Variants in ADCY10 observed in about 807,000 individuals in gnomAD.
The protein encoded by ADCY10 is adenylate cyclase 10, also known as adenylate cyclase type 10.
A neutral mutation model predicts 183.3 loss-of-function variants in ADCY10; 156 were observed. That is an observed-to-expected ratio of 0.85 (90% confidence interval 0.75 to 0.97). The LOEUF (loss-of-function observed/expected upper bound fraction) is 0.97. Ranked by LOEUF, ADCY10 falls within the 50% of genes least tolerant of loss-of-function variation. The pLI, the probability that ADCY10 is intolerant of heterozygous loss-of-function variation, is 0.00. For synonymous variants in ADCY10, 645 were observed against 670.0 expected (o/e 0.96, Z 0.58); for missense variants, 1,745 against 1,934.3 (o/e 0.90, Z 1.84).
In ADCY10 at chr1:167,854,334, C is replaced by G; in HGVS notation, c.2308+19G>C. On this transcript the variant is annotated intron_variant, in intron 18 of 32. Coordinates refer to ENST00000367851, the MANE Select transcript of ADCY10 (RefSeq NM_018417.6). Reference sequence around the variant, plus strand: ...TTAGGCAGAACAGAGTAAGAAAGAACCATCACCGCAGGACTTACTGAACAG... The same window carrying G: ...TTAGGCAGAACAGAGTAAGAAAGAAGCATCACCGCAGGACTTACTGAACAG... 2.5e-6 allele frequency: 4 copies of G among 1,614,102 alleles called. No homozygotes were observed. Among genetic ancestry groups the G allele is most frequent in the Non-Finnish European group, 3.4e-6 (4 of 1,179,986 alleles).
chr1:167,884,235 T>G (rs1308055572), intron 8 of ADCY10, among the ~76,000 whole-genome samples: 1 of 152,168 alleles, frequency 6.6e-6, no homozygotes, highest in South Asian at 2.1e-4. Flanking sequence ...CACAGTTCCA[T>G]GGGCTGTACA....
intron 31 of ADCY10, among the ~76,000 whole-genome samples, chr1:167,817,465 CG>C (rs1662602083): frequency 1.3e-5 from 2 of 152,162 alleles, no homozygotes; most frequent in Admixed American, 1.3e-4. Flanking sequence ...ACAAGGCAAA[CG>C]TGTCAACCCA....
At chr1:167,885,760 G>A (rs140001034) in intron 8 of ADCY10, among the ~76,000 whole-genome samples, 2,739 of 151,946 alleles carry the variant, frequency 0.018, 84 homozygotes, top group African/African-American at 0.063. Context: ...GATTACAGGC[G>A]CCCACCACTA....
At chr1:167,852,231 TCAGGAGTTCAAGAC>T (rs1052224104) in intron 18 of ADCY10, among the ~76,000 whole-genome samples, 56 of 152,092 alleles carry the variant, frequency 3.7e-4, no homozygotes, top group African/African-American at 1.3e-3. Flanking sequence ...TCACTTGAGG[TCAGGAGTTCAAGAC>T]CAGCCTGGCC....
intron 13 of ADCY10, among the ~76,000 whole-genome samples, chr1:167,873,432 G>A (rs1275739311): frequency 6.6e-6 from 1 of 152,164 alleles, no homozygotes; most frequent in Admixed American, 6.5e-5. Context: ...TCCAAAGTGT[G>A]AGACAGAGCC....
intron 1 of ADCY10, among the ~76,000 whole-genome samples, chr1:167,912,301 C>G (rs1412222272): frequency 6.6e-6 from 1 of 152,164 alleles, no homozygotes; most frequent in Non-Finnish European, 1.5e-5. Context: ...AGAGCCAGGC[C>G]GGCAACCTTT....
chr1:167,818,519 A>G, intron 30 of ADCY10: 1 of 574,310 alleles, frequency 1.7e-6, no homozygotes, highest in East Asian at 3.8e-5. Flanking sequence ...ATTAGCCACC[A>G]TTGAACTCTT....
intron 18 of ADCY10, among the ~76,000 whole-genome samples, chr1:167,849,906 C>T (rs969745453): frequency 2.2e-4 from 33 of 152,218 alleles, no homozygotes; most frequent in African/African-American, 7.0e-4. Flanking sequence ...AGCGGCCCAG[C>T]GTGACTAAAG....
chr1:167,848,351 A>T lies in ADCY10; in HGVS notation c.2437+10T>A. ...GGCGTGAGCCACTGCGCCCGGCCAGATTTTCTTACCTTTTAATGACGTTGG... is the reference window on the plus strand; with the variant it reads ...GGCGTGAGCCACTGCGCCCGGCCAGTTTTTCTTACCTTTTAATGACGTTGG... On this transcript the variant is annotated intron_variant, in intron 19 of 32. Transcript: ENST00000367851. 6.2e-7 allele frequency: 1 copy of T among 1,612,846 alleles called. No homozygotes were observed. The highest frequency in any genetic ancestry group is 1.3e-5 in the African/African-American group (1 of 74,944).
chr1:167,893,292 T>C (rs1293899168), intron 8 of ADCY10, among the ~76,000 whole-genome samples: 1 of 152,212 alleles, frequency 6.6e-6, no homozygotes, highest in Non-Finnish European at 1.5e-5. Context: ...ACAGCTCCCA[T>C]TTGCGCAATT....
chr1:167,893,970 C>T (rs373076359), intron 7 of ADCY10, 29 bp from the exon 8 acceptor site: 1 of 1,564,706 alleles, frequency 6.4e-7, no homozygotes, highest in Non-Finnish European at 8.8e-7. Flanking sequence ...GGTGCAGGCT[C>T]AGAGAGGGAA....
intron 18 of ADCY10, 86 bp from the exon 19 acceptor site, chr1:167,848,575 C>T: frequency 6.9e-7 from 1 of 1,453,894 alleles, no homozygotes; most frequent in Non-Finnish European, 9.6e-7. Flanking sequence ...AGATGGATCT[C>T]ATATGAGGAA....
chr1:167,853,197 C>T (rs203801), intron 18 of ADCY10, among the ~76,000 whole-genome samples: 84 of 152,094 alleles, frequency 5.5e-4, no homozygotes, highest in Non-Finnish European at 9.0e-4. Flanking sequence ...TAATACACGT[C>T]GTGCTTATAG....
At chr1:167,836,892 G>C (rs1664246479) in intron 22 of ADCY10, among the ~76,000 whole-genome samples, 1 of 152,202 alleles carries the variant, frequency 6.6e-6, no homozygotes, top group Non-Finnish European at 1.5e-5. Context: ...GGGTGTGGTG[G>C]CAGGCGCCTG....
In ADCY10 at chr1:167,896,281, T is replaced by C. The variant is rs568568426; in HGVS notation, c.739+314A>G. Among the ~76,000 whole-genome samples the C allele has an allele frequency of 3.3e-5, 5 of 152,172 alleles. No homozygotes were observed. The East Asian group carries it at 9.7e-4, about 29-fold the overall frequency. On this transcript the variant is annotated intron_variant, in intron 7 of 32. Transcript: ENST00000367851. Reference sequence around the variant, plus strand: ...ATTTACAGATTACTTTTCCTAGAAGTTTATTGGTGAAGGTTAGGAGGGGAA... The same window carrying C: ...ATTTACAGATTACTTTTCCTAGAAGCTTATTGGTGAAGGTTAGGAGGGGAA...
intron 13 of ADCY10, among the ~76,000 whole-genome samples, chr1:167,871,126 T>A (rs1667078100): frequency 6.6e-6 from 1 of 152,126 alleles, no homozygotes; most frequent in African/African-American, 2.4e-5. Flanking sequence ...ATATGTAGAC[T>A]ATTACATTAG....
At chr1:167,813,724 A>G (rs1029137325) in intron 31 of ADCY10, among the ~76,000 whole-genome samples, 1 of 152,146 alleles carries the variant, frequency 6.6e-6, no homozygotes, top group Non-Finnish European at 1.5e-5. Flanking sequence ...AGTAGCCCAA[A>G]AGCTAGTAGT....
At chr1:167,872,820 C>T (rs1342302336) in intron 13 of ADCY10, among the ~76,000 whole-genome samples, 1 of 150,372 alleles carries the variant, frequency 6.7e-6, no homozygotes, top group Non-Finnish European at 1.5e-5. Flanking sequence ...GTCTGTAATC[C>T]CAGCACTTTG....
chr1:167,897,482 G>A (rs2102387699), intron 6 of ADCY10, among the ~76,000 whole-genome samples: 1 of 149,214 alleles, frequency 6.7e-6, no homozygotes, highest in Non-Finnish European at 1.5e-5. Context: ...GGGTGACAGA[G>A]TAAGATTCCA....
Sources: gnomAD v4.1 joint callset for allele counts (sites outside exome capture counted in the v4.1 genomes callset) on GRCh38, gnomAD v4.1.1 for gene constraint, MANE v1.5 for transcripts, NCBI Gene and HGNC (gene_info 2026-07-23, HGNC 2026-07-21) for gene names.